Variants in SORCS3 observed in about 807,000 individuals in gnomAD.
SORCS3 encodes sortilin related VPS10 domain containing receptor 3, also known as VPS10 domain-containing receptor SorCS3.
Under a neutral mutation model 146.3 loss-of-function variants are expected in SORCS3, and 57 were observed. The ratio of observed to expected loss-of-function variants is 0.39; its 90% CI spans 0.31 to 0.49. The LOEUF is 0.49. Ranked by LOEUF, SORCS3 falls within the 20% of genes least tolerant of loss-of-function variation. The pLI is 0.92. For missense variants in SORCS3, 1,341 were observed against 1,575.5 expected (o/e 0.85, Z 2.52); for synonymous variants, 653 against 618.5 (o/e 1.06, Z -0.83).
chr10:104,720,080 C>A (rs1002637473), intron 1 of SORCS3, among the ~76,000 whole-genome samples: 4 of 151,894 alleles, frequency 2.6e-5, no homozygotes, highest in African/African-American at 9.7e-5. Context: ...CACCTGTTAA[C>A]TCGTCATTTA....
intron 6 of SORCS3, among the ~76,000 whole-genome samples, chr10:105,095,242 G>A (rs57889309): frequency 0.028 from 4,231 of 152,176 alleles, 120 homozygotes; most frequent in East Asian, 0.16. Flanking sequence ...CCTGGTCCCC[G>A]ATCCAGACTA....
At chr10:104,981,502 C>G (rs980308523) in intron 4 of SORCS3, among the ~76,000 whole-genome samples, 3 of 152,172 alleles carry the variant, frequency 2.0e-5, no homozygotes, top group Admixed American at 2.0e-4. Context: ...TTCCATCAGG[C>G]TATTTCCTCA....
chr10:104,888,800 C>T (rs142510590), intron 2 of SORCS3, among the ~76,000 whole-genome samples: 733 of 152,264 alleles, frequency 4.8e-3, no homozygotes, highest in Non-Finnish European at 8.7e-3. Context: ...GGTGTTATAG[C>T]CTTTCAGTTT....
chr10:104,653,607 A>C (rs2015588541), intron 1 of SORCS3, among the ~76,000 whole-genome samples: 1 of 152,162 alleles, frequency 6.6e-6, no homozygotes, highest in African/African-American at 2.4e-5. Context: ...TAGATGATGA[A>C]TCATATGGTC....
chr10:104,915,333 G>A (rs1589547881), intron 2 of SORCS3, among the ~76,000 whole-genome samples: 1 of 152,218 alleles, frequency 6.6e-6, no homozygotes, highest in East Asian at 1.9e-4. Flanking sequence ...AGTTTTCTGG[G>A]CACTTCCTAC....
rs1589524552 is a variant in SORCS3, at chr10:104,854,981, T to G, written c.695+12122T>G. The stretch of plus-strand genomic sequence containing the variant: ...ACCTGTTGAAGGGCATTTGGGTTGT[T>G]TCTAGTTTTTGGCTATGGAAAATAA... On this transcript the variant is annotated intron_variant, in intron 2 of 26. Coordinates refer to ENST00000369701, the MANE Select transcript of SORCS3 (RefSeq NM_014978.3). Among the ~76,000 whole-genome samples, 4 of 152,212 alleles carry G rather than the reference T, an allele frequency of 2.6e-5. No individual in the cohort carries two copies. The South Asian group carries it at 8.3e-4, about 32-fold the overall frequency.
intron 7 of SORCS3, among the ~76,000 whole-genome samples, chr10:105,133,675 C>T (rs1328789772): frequency 6.6e-6 from 1 of 152,182 alleles, no homozygotes; most frequent in Non-Finnish European, 1.5e-5. Context: ...GATGCAGTGG[C>T]TCATATCTAC....
At position 105,231,340 on chromosome 10, in the gene SORCS3, G is replaced by A. The variant is rs373774616; in HGVS notation, c.2868+8091G>A. 4.9e-4 allele frequency among the ~76,000 whole-genome samples: 74 copies of A among 152,290 alleles called. No individual in the cohort carries two copies. In the South Asian group the frequency reaches 0.015, roughly 32 times the overall value. On this transcript the variant is annotated intron_variant, in intron 20 of 26. Transcript: ENST00000369701. ...GTTCATTGCTGGTATACAGGAAAGT[G>A]ATCAACTTTTATATATGAACCTTGT...
At chr10:104,784,331 T>C (rs1473720629) in intron 1 of SORCS3, among the ~76,000 whole-genome samples, 1 of 152,140 alleles carries the variant, frequency 6.6e-6, no homozygotes, top group Non-Finnish European at 1.5e-5. Context: ...AGGCTGCTAT[T>C]CACCCTGCAA....
intron 3 of SORCS3, among the ~76,000 whole-genome samples, chr10:104,938,795 T>C (rs2019284503): frequency 6.6e-6 from 1 of 152,250 alleles, no homozygotes; most frequent in Non-Finnish European, 1.5e-5. Flanking sequence ...TCTTGCAGGC[T>C]GTCACAGTGC....
intron 1 of SORCS3, among the ~76,000 whole-genome samples, chr10:104,698,494 T>C (rs1259765398): frequency 1.3e-5 from 2 of 152,206 alleles, no homozygotes; most frequent in African/African-American, 2.4e-5. Flanking sequence ...AGCCCCTCTT[T>C]ACTGCCACAC....
At chr10:105,231,492 C>T (rs1222918146) in intron 20 of SORCS3, among the ~76,000 whole-genome samples, 1 of 152,174 alleles carries the variant, frequency 6.6e-6, no homozygotes, top group Non-Finnish European at 1.5e-5. Context: ...TCTTCTTTCC[C>T]AATATAACTT....
At chr10:104,762,610 G>A (rs937812841) in intron 1 of SORCS3, among the ~76,000 whole-genome samples, 8 of 152,254 alleles carry the variant, frequency 5.3e-5, no homozygotes, top group African/African-American at 1.9e-4. Flanking sequence ...CTAATGTGTC[G>A]AGGGAAGGAC....
chr10:104,857,728 G>A (rs1219457896), intron 2 of SORCS3, among the ~76,000 whole-genome samples: 5 of 139,716 alleles, frequency 3.6e-5, no homozygotes, highest in South Asian at 4.2e-4. Flanking sequence ...GTCTTACATG[G>A]TGAGGGGCTA....
At chr10:104,662,958 A>G (rs2015721164) in intron 1 of SORCS3, among the ~76,000 whole-genome samples, 1 of 152,164 alleles carries the variant, frequency 6.6e-6, no homozygotes, top group Non-Finnish European at 1.5e-5. Context: ...TCCCTACTTC[A>G]TGGGAGGAAA....
intron 2 of SORCS3, among the ~76,000 whole-genome samples, chr10:104,903,731 T>C (rs1307527161): frequency 1.3e-5 from 2 of 152,218 alleles, no homozygotes; most frequent in Non-Finnish European, 2.9e-5. Context: ...TAAAATGTTA[T>C]CTGCTTTTTA....
At chr10:104,646,728 T>C (rs2015499825) in intron 1 of SORCS3, among the ~76,000 whole-genome samples, 1 of 152,174 alleles carries the variant, frequency 6.6e-6, no homozygotes, top group Non-Finnish European at 1.5e-5. Flanking sequence ...AGGAGGATTC[T>C]GCAGTAAGTT....
chr10:104,950,763 A>G (rs2019420150), intron 3 of SORCS3, among the ~76,000 whole-genome samples: 1 of 152,212 alleles, frequency 6.6e-6, no homozygotes, highest in South Asian at 2.1e-4. Context: ...GAACTTCAGA[A>G]TCAGCATCTC....
At chr10:104,664,977 A>G (rs76279446) in intron 1 of SORCS3, 2,766 of 152,838 alleles carry the variant, frequency 0.018, 93 homozygotes, top group African/African-American at 0.063. Context: ...AGGAGACAGC[A>G]TGGGCCCAGT....
Sources: allele counts gnomAD v4.1 joint callset (sites outside exome capture counted in the v4.1 genomes callset), GRCh38; gene constraint gnomAD v4.1.1; transcripts MANE v1.5; gene names NCBI Gene and HGNC (gene_info 2026-07-23, HGNC 2026-07-21).